TRIM33: variants seen among roughly 807,000 people sequenced by gnomAD.
TRIM33 encodes the protein tripartite motif containing 33, also known as E3 ubiquitin-protein ligase TRIM33.
TRIM33 carries 20 observed loss-of-function variants against 125.4 expected under a neutral mutation model. The observed-to-expected ratio is 0.16, with a 90% CI of 0.11 to 0.23. The LOEUF (loss-of-function observed/expected upper bound fraction) is 0.23, where lower values mean the gene tolerates loss of function less well. Ranked by LOEUF, TRIM33 falls within the 10% of genes least tolerant of loss-of-function variation. TRIM33 has a pLI of 1.00. For synonymous variants in TRIM33, 564 were observed against 513.9 expected (o/e 1.10, Z -1.32); for missense variants, 920 against 1,411.4 (o/e 0.65, Z 5.58).
chr1:114,475,796 T>C (rs1465205995), intron 1 of TRIM33, among the ~76,000 whole-genome samples: 1 of 151,780 alleles, frequency 6.6e-6, no homozygotes, highest in African/African-American at 2.4e-5. Context: ...ACTAAATAAA[T>C]AAAAGGATCC....
chr1:114,398,979 A>G (rs1651717082), intron 18 of TRIM33, among the ~76,000 whole-genome samples: 1 of 151,460 alleles, frequency 6.6e-6, no homozygotes, highest in Admixed American at 6.6e-5. Context: ...AAAATTAATC[A>G]AAGTCACACT....
intron 17 of TRIM33, 79 bp downstream of exon 17, chr1:114,401,310 C>T: frequency 8.4e-7 from 1 of 1,187,946 alleles, no homozygotes. Context: ...AGGCGTGAGC[C>T]ACCGCGCCCG....
chr1:114,477,763 C>T (rs1444292154), intron 1 of TRIM33, among the ~76,000 whole-genome samples: 2 of 152,154 alleles, frequency 1.3e-5, no homozygotes, highest in African/African-American at 4.8e-5. Context: ...TGAGCACTTG[C>T]AAAATGGCTA....
At chr1:114,430,755 GC>G in intron 6 of TRIM33, 42 bp downstream of exon 6, 1 of 1,012,916 alleles carries the variant, frequency 9.9e-7, no homozygotes, top group Non-Finnish European at 1.6e-6. Flanking sequence ...CAGCTAAAGA[GC>G]AAGAGAAGCA....
intron 4 of TRIM33, among the ~76,000 whole-genome samples, chr1:114,462,300 G>A (rs1398829289): frequency 6.6e-6 from 1 of 152,150 alleles, no homozygotes; most frequent in Non-Finnish European, 1.5e-5. Context: ...AAACTTCAAT[G>A]AATTCTAATG....
chr1:114,401,537 T>C (rs1651891857), intron 16 of TRIM33, 74 bp from the exon 17 acceptor site: 19 of 1,272,298 alleles, frequency 1.5e-5, no homozygotes, highest in Non-Finnish European at 2.0e-5. Context: ...ATGAGAACTA[T>C]ATCACAACAA....
intron 10 of TRIM33, among the ~76,000 whole-genome samples, chr1:114,423,179 T>A (rs573457579): frequency 6.6e-6 from 1 of 152,304 alleles, no homozygotes; most frequent in East Asian, 1.9e-4. Flanking sequence ...TGTGGAGATA[T>A]AACGATAATT....
intron 1 of TRIM33, among the ~76,000 whole-genome samples, chr1:114,483,759 C>A (rs1265804511): frequency 6.6e-6 from 1 of 152,036 alleles, no homozygotes; most frequent in Non-Finnish European, 1.5e-5. Flanking sequence ...ATAATACAAA[C>A]CTCAAACAAA....
intron 1 of TRIM33, among the ~76,000 whole-genome samples, chr1:114,473,324 C>T (rs1650769993): frequency 6.6e-6 from 1 of 151,918 alleles, no homozygotes; most frequent in African/African-American, 2.4e-5. Flanking sequence ...AGGATGCGCC[C>T]TCACAGATGG....
intron 17 of TRIM33, among the ~76,000 whole-genome samples, chr1:114,400,301 C>T (rs1300299179): frequency 1.3e-5 from 2 of 152,164 alleles, no homozygotes; most frequent in Non-Finnish European, 1.5e-5. Flanking sequence ...ACCTCCATCC[C>T]CTGGCAATTA....
chr1:114,507,223 G>A (rs973211159), intron 1 of TRIM33, among the ~76,000 whole-genome samples: 2 of 152,208 alleles, frequency 1.3e-5, no homozygotes, highest in African/African-American at 2.4e-5. Flanking sequence ...AAACTTAAGC[G>A]TGAATCAGAA....
chr1:114,445,787 C>G (rs755164125), intron 4 of TRIM33, among the ~76,000 whole-genome samples: 4 of 152,150 alleles, frequency 2.6e-5, no homozygotes, highest in Non-Finnish European at 5.9e-5. Context: ...ATATCAATAT[C>G]TTTTCAATGT....
rs1327397191 is a variant in TRIM33 at position 114,421,508 on chromosome 1, T to C, written c.1989A>G (p.Thr663=). ...ANRGPTSPSV[T]AIELIPSVTN... ...TAACTGAGGGGATTAGCTCTATTGC[T>C]GTAACAGATGGGCTGGTGGGACCTC... The change falls in exon 11 of 20, where the codon ACA becomes ACG. Residue 663 remains threonine (T), a synonymous_variant. Coordinates refer to ENST00000358465, the MANE Select transcript of TRIM33 (RefSeq NM_015906.4). The C allele has an allele frequency of 6.2e-7, 1 of 1,614,178 alleles. No individual in the cohort carries two copies. The highest frequency in any genetic ancestry group is 8.5e-7 in the Non-Finnish European group (1 of 1,180,022).
intron 9 of TRIM33, among the ~76,000 whole-genome samples, chr1:114,425,031 T>C (rs1647470701): frequency 1.3e-5 from 2 of 152,078 alleles, no homozygotes. Context: ...ACGTATCCCA[T>C]CCTGGAGTAA....
chr1:114,463,450 G>A lies in TRIM33; in HGVS notation c.752C>T (p.Thr251Ile). The part of the protein sequence containing the change: ...CIEAHQRVKF[T>I]KDHLIRKKED... Reference sequence around the variant, plus strand: ...TTTCTTCCTGATCAAGTGATCTTTAGTAAATTTTACTCTTTGATGTGCTTC... The same window carrying A: ...TTTCTTCCTGATCAAGTGATCTTTAATAAATTTTACTCTTTGATGTGCTTC... Residue 251 changes from threonine to isoleucine, a missense_variant, in exon 3 of 20, where the codon ACT becomes ATT. Physicochemically the swap from Thr to Ile is moderately conservative, Grantham distance 89. Coordinates refer to ENST00000358465, the MANE Select transcript of TRIM33 (RefSeq NM_015906.4). 6.2e-7 allele frequency: 1 copy of A among 1,613,112 alleles called. No homozygotes were observed. The highest frequency in any genetic ancestry group is 2.2e-5 in the East Asian group (1 of 44,824).
At chr1:114,487,733 T>C (rs1327752474) in intron 1 of TRIM33, among the ~76,000 whole-genome samples, 1 of 148,730 alleles carries the variant, frequency 6.7e-6, no homozygotes, top group Non-Finnish European at 1.5e-5. Context: ...CCGTCTCTAC[T>C]AAAAATACAA....
chr1:114,417,553 A>G (rs1163842114), intron 11 of TRIM33, among the ~76,000 whole-genome samples: 1 of 152,178 alleles, frequency 6.6e-6, no homozygotes, highest in African/African-American at 2.4e-5. Context: ...CCAGGCCTAC[A>G]ATCCCACACT....
chr1:114,474,561 A>G (rs1203822730), intron 1 of TRIM33, among the ~76,000 whole-genome samples: 1 of 139,976 alleles, frequency 7.1e-6, no homozygotes. Context: ...GTGACTGAGC[A>G]AGACCTTGTC....
chr1:114,425,787 T>A (rs1454266404), intron 8 of TRIM33, 64 bp from the exon 9 acceptor site: 2 of 1,220,906 alleles, frequency 1.6e-6, no homozygotes, highest in African/African-American at 1.5e-5. Context: ...TGTTGAGTAA[T>A]CACCATGTTT....
Sources: gnomAD v4.1 joint callset for allele counts (sites outside exome capture counted in the v4.1 genomes callset) on GRCh38, gnomAD v4.1.1 for gene constraint, MANE v1.5 for transcripts, NCBI Gene and HGNC (gene_info 2026-07-23, HGNC 2026-07-21) for gene names.